IFT74: variants seen among roughly 807,000 people sequenced by gnomAD.
IFT74 encodes the protein intraflagellar transport 74.
Under a neutral mutation model 96.7 loss-of-function variants are expected in IFT74, and 92 were observed. That is an observed-to-expected ratio of 0.95 (90% CI 0.80 to 1.13). The LOEUF is 1.13. Ranked by LOEUF, IFT74 falls within the 50% of genes most tolerant of loss-of-function variation. IFT74 has a pLI of 0.00. For missense variants in IFT74, 811 were observed against 698.2 expected, an observed-to-expected ratio of 1.16 and a Z score of -1.82; for synonymous variants, 223 against 213.2, an observed-to-expected ratio of 1.05 and a Z score of -0.40.
intron 19 of IFT74, chr9:27,060,927 A>T: frequency 5.8e-6 from 1 of 172,100 alleles, no homozygotes; most frequent in Non-Finnish European, 1.1e-5. Flanking sequence ...GCACCACTGC[A>T]CTCCAGCCTG....
At chr9:26,961,134 A>G (rs1289454998) in intron 1 of IFT74, among the ~76,000 whole-genome samples, 1 of 136,684 alleles carries the variant, frequency 7.3e-6, no homozygotes, top group Non-Finnish European at 1.5e-5. Flanking sequence ...TGTGTCGCCC[A>G]GGCTGGAGTG....
chr9:27,044,763 A>T lies in IFT74; in HGVS notation c.1076A>T (p.Lys359Met). The T allele has an allele frequency of 6.4e-7, 1 of 1,569,314 alleles. No individual in the cohort carries two copies. Among genetic ancestry groups the T allele is most frequent in the African/African-American group, 1.4e-5 (1 of 73,268 alleles). ...EHQGEMNQKY[K>M]ELKKREEHMD... is the part of the protein sequence containing the mutation. ...ATAGGTGAAATGAACCAGAAATACA[A>T]GGAGCTAAAGAAAAGGGAGGAACAT... Residue 359 changes from lysine to methionine, a missense_variant, in exon 14 of 20, where the codon AAG (lysine) becomes ATG (methionine). Lys to Met is a moderately conservative substitution (Grantham distance 95). Coordinates refer to ENST00000380062, the MANE Select transcript of IFT74 (RefSeq NM_025103.4).
Position 26,988,674 on chromosome 9 carries a change from A to G in IFT74, c.471A>G (p.Val157=), listed in dbSNP as rs763983974. 1 of 1,547,538 alleles carries G rather than the reference A, an allele frequency of 6.5e-7. No homozygotes were observed. Among genetic ancestry groups the G allele is most frequent in the Non-Finnish European group, 8.8e-7 (1 of 1,134,432 alleles). ...QGQLADYNML[V]DKLNTNTEME... The stretch of plus-strand genomic sequence containing the variant: ...GTTTGTATTTTTGTTTTTAGTTGGT[A>G]GATAAACTTAATACCAACACTGAAA... The change falls in exon 7 of 20, where the codon GTA becomes GTG. Residue 157 remains valine (V), a synonymous_variant. Transcript: ENST00000380062.
chr9:27,049,661 T>G (rs74993280), intron 16 of IFT74, among the ~76,000 whole-genome samples: 1,532 of 152,288 alleles, frequency 0.01, 24 homozygotes, highest in African/African-American at 0.035. Context: ...TCAAGAAACT[T>G]TCAACTTGGT....
chr9:27,017,273 AGCACAGTGGT>A, intron 11 of IFT74, among the ~76,000 whole-genome samples: 1 of 152,128 alleles, frequency 6.6e-6, no homozygotes. Flanking sequence ...CCCAGGCTGG[AGCACAGTGGT>A]GCAATCATAG....
At chr9:27,035,916 G>A (rs1563992398) in intron 13 of IFT74, among the ~76,000 whole-genome samples, 1 of 152,132 alleles carries the variant, frequency 6.6e-6, no homozygotes, top group Non-Finnish European at 1.5e-5. Context: ...GGCACTGAGT[G>A]TGCCATGCAG....
At chr9:26,969,577 TTAA>T (rs750077186) in intron 2 of IFT74, among the ~76,000 whole-genome samples, 19 of 152,242 alleles carry the variant, frequency 1.2e-4, no homozygotes, top group South Asian at 4.1e-4. Flanking sequence ...ACATTCACAG[TTAA>T]TAATGATATG....
In IFT74 at chr9:27,060,592, T is replaced by G. The variant is rs1820370659; in HGVS notation, c.1625T>G (p.Leu542Arg). ...QLQENETHSQ[L>R]TNLERKWQHL... ...AATATTTTTCTTTTATGTTTTTAGCTTACAAATTTGGAGAGAAAGTGGCAA... is the reference window on the plus strand; with the variant it reads ...AATATTTTTCTTTTATGTTTTTAGCGTACAAATTTGGAGAGAAAGTGGCAA... Residue 542 changes from leucine (L) to arginine (R), a missense_variant and splice_region_variant, in exon 19 of 20, where the codon CTT (leucine) becomes CGT (arginine). Physicochemically the swap from Leu to Arg is moderately radical, Grantham distance 102. Transcript: ENST00000380062. 5 of 1,588,334 alleles carry G rather than the reference T, an allele frequency of 3.1e-6. No individual in the cohort carries two copies. In the East Asian group the frequency reaches 1.1e-4, roughly 36 times the overall value.
At chr9:26,951,494 G>T (rs1040405494), upstream of IFT74, among the ~76,000 whole-genome samples, 5 of 152,122 alleles carry the variant, frequency 3.3e-5, no homozygotes, top group African/African-American at 1.2e-4. Flanking sequence ...ATTGGAAAAT[G>T]ATAGAAATTT....
chr9:27,021,139 AT>A (rs1365810127), intron 12 of IFT74, among the ~76,000 whole-genome samples: 8 of 152,052 alleles, frequency 5.3e-5, no homozygotes, highest in Non-Finnish European at 1.5e-5. Context: ...AAACATATAT[AT>A]ATGTATGTAT....
chr9:27,020,468 C>CTT (rs869187412), intron 12 of IFT74, among the ~76,000 whole-genome samples: 10 of 133,518 alleles, frequency 7.5e-5, no homozygotes, highest in Non-Finnish European at 8.1e-5. Context: ...TTTTTTATTT[C>CTT]TTTTTTTTTT....
At chr9:26,964,671 T>A (rs1003496951) in intron 2 of IFT74, among the ~76,000 whole-genome samples, 1 of 152,156 alleles carries the variant, frequency 6.6e-6, no homozygotes, top group African/African-American at 2.4e-5. Context: ...CCACAAGCCT[T>A]ATGTCCAATC....
In IFT74 at chr9:27,047,719, A is replaced by G. The variant is rs1347193739; in HGVS notation, c.1206+348A>G. Among the ~76,000 whole-genome samples the G allele has an allele frequency of 3.3e-5, 5 of 152,246 alleles. No homozygotes were observed. The East Asian group carries it at 9.6e-4, about 29-fold the overall frequency. On this transcript the variant is annotated intron_variant, in intron 15 of 19. Coordinates refer to ENST00000380062, the MANE Select transcript of IFT74 (RefSeq NM_025103.4). The stretch of plus-strand genomic sequence containing the variant: ...GATAATTTCAAAATCTAGACATGTT[A>G]GAAAATGTTAATGTATTTTTATACT...
At chr9:26,949,731 G>A (rs1563927222) in intron 1 of IFT74, among the ~76,000 whole-genome samples, 1 of 152,214 alleles carries the variant, frequency 6.6e-6, no homozygotes, top group Non-Finnish European at 1.5e-5. Context: ...TTAAAGGATC[G>A]GTTGGTGGGC....
At chr9:27,039,061 A>G (rs758841056) in intron 13 of IFT74, among the ~76,000 whole-genome samples, 9 of 152,216 alleles carry the variant, frequency 5.9e-5, no homozygotes, top group Non-Finnish European at 1.2e-4. Context: ...GTGTTTCACC[A>G]CTTACCTACA....
rs73436100 is a variant in IFT74, at chr9:27,030,291, A to G, written c.1054+1187A>G. Reference sequence around the variant, plus strand: ...ACATTCATAGCGGTGCAGTGGCTCAATCACAGCTCACTGCAACCTCAGACT... The same window carrying G: ...ACATTCATAGCGGTGCAGTGGCTCAGTCACAGCTCACTGCAACCTCAGACT... On this transcript the variant is annotated intron_variant, in intron 13 of 19. Coordinates refer to ENST00000380062, the MANE Select transcript of IFT74 (RefSeq NM_025103.4). 9.9e-3 allele frequency among the ~76,000 whole-genome samples: 1,508 copies of G among 152,190 alleles called. 30 individuals carry two copies. Among genetic ancestry groups the G allele is most frequent in the African/African-American group, 0.035 (1,436 of 41,538 alleles).
At chr9:26,965,356 T>G (rs939459993) in intron 2 of IFT74, among the ~76,000 whole-genome samples, 25 of 152,268 alleles carry the variant, frequency 1.6e-4, no homozygotes, top group African/African-American at 5.5e-4. Context: ...GGTCCTATGG[T>G]TAACTCATAA....
intron 13 of IFT74, among the ~76,000 whole-genome samples, chr9:27,031,485 C>T (rs10967673): frequency 0.091 from 13,802 of 151,026 alleles, 1,730 homozygotes; most frequent in East Asian, 0.67. Flanking sequence ...AAAAGAAATT[C>T]TTTTATTCTT....
intron 4 of IFT74, 31 bp from the exon 5 acceptor site, chr9:26,984,226 A>G: frequency 2.0e-6 from 3 of 1,511,408 alleles, no homozygotes; most frequent in Non-Finnish European, 2.7e-6. Context: ...GATTAAAAGT[A>G]TTGCTGACAT....
Sources: gnomAD v4.1 joint callset for allele counts (sites outside exome capture counted in the v4.1 genomes callset) on GRCh38, gnomAD v4.1.1 for gene constraint, MANE v1.5 for transcripts, NCBI Gene and HGNC (gene_info 2026-07-23, HGNC 2026-07-21) for gene names.